PPIB: variants seen among roughly 807,000 people sequenced by gnomAD.
PPIB encodes peptidyl-prolyl cis-trans isomerase B.
A neutral mutation model predicts 20.1 loss-of-function variants in PPIB; 15 were observed. The ratio of observed to expected loss-of-function variants is 0.75; its 90% CI spans 0.50 to 1.15. The LOEUF (loss-of-function observed/expected upper bound fraction) is 1.15, where lower values mean the gene tolerates loss of function less well. PPIB is among the 50% of genes most tolerant of loss of function. The pLI is 0.00. For synonymous variants in PPIB, 129 were observed against 111.0 expected (o/e 1.16, Z -1.02); for missense variants, 278 against 283.0 (o/e 0.98, Z 0.13).
Position 64,160,237 on chromosome 15 carries a change from C to G in PPIB, c.250-40G>C, listed in dbSNP as rs1266187238. 2 of 1,504,160 alleles carry G rather than the reference C, an allele frequency of 1.3e-6. No individual in the cohort carries two copies. The highest frequency in any genetic ancestry group is 1.9e-6 in the Non-Finnish European group (2 of 1,080,136). The allele number at this position is 1,504,160 out of a possible 1,614,324, so 93.2% of individuals were successfully genotyped here. A position where few individuals can be genotyped will look rare whatever the true frequency, so the allele number is the denominator to read the frequency against. Reference sequence around the variant, plus strand: ...GAGAAGGTAAGGAGGTGGTATGGGGCAGCAGGAAGACATTACATTAAATAG... The same window carrying G: ...GAGAAGGTAAGGAGGTGGTATGGGGGAGCAGGAAGACATTACATTAAATAG... On this transcript the variant is annotated intron_variant, in intron 2 of 4. Coordinates refer to ENST00000300026, the MANE Select transcript of PPIB (RefSeq NM_000942.5). This position sits in a 1 kb window ranked among gnomAD's most constrained non-coding sequence, Gnocchi z 4.8.
chr15:64,155,890 A>G lies in PPIB; in HGVS notation c.*133T>C. Reference sequence around the variant, plus strand: ...AGGAGTTTGTTACAAAAGTGAGTCCATGGGCCTGTGGAATGTGAGGGGAGT... The same window carrying G: ...AGGAGTTTGTTACAAAAGTGAGTCCGTGGGCCTGTGGAATGTGAGGGGAGT... On this transcript the variant is annotated 3_prime_UTR_variant, in exon 5 of 5. Coordinates refer to ENST00000300026, the MANE Select transcript of PPIB (RefSeq NM_000942.5). The G allele has an allele frequency of 1.5e-6, 2 of 1,370,106 alleles. No individual in the cohort carries two copies. The highest frequency in any genetic ancestry group is 1.7e-5 in the Admixed American group (1 of 59,230). 84.9% of individuals were successfully genotyped at this position (1,370,106 alleles called of 1,614,324 possible).
chr15:64,162,887 C>T lies in PPIB; in HGVS notation c.100G>A (p.Asp34Asn). 1 of 1,612,658 alleles carries T rather than the reference C, an allele frequency of 6.2e-7. No individual in the cohort carries two copies. The highest frequency in any genetic ancestry group is 8.5e-7 in the Non-Finnish European group (1 of 1,179,572). The change falls in exon 1 of 5, where the codon GAT (aspartate) becomes AAT (asparagine). Residue 34 changes from aspartate to asparagine, a missense_variant. By Grantham distance (23) the Asp-to-Asn change is conservative. Coordinates refer to ENST00000300026, the MANE Select transcript of PPIB (RefSeq NM_000942.5). Reference protein sequence around the residue: ...FLLLPGPSAADEKKKGPKVTV... With the variant: ...FLLLPGPSAANEKKKGPKVTV... Reference sequence around the variant, plus strand: ...ACTTTGGGCCCCTTCTTCTTCTCATCGGCCGCAGAAGGTCCCGGCAGCAGC... The same window carrying T: ...ACTTTGGGCCCCTTCTTCTTCTCATTGGCCGCAGAAGGTCCCGGCAGCAGC...
At position 64,161,980 on chromosome 15, in the gene PPIB, T is replaced by G. The variant is rs1180798561; in HGVS notation, c.249+61A>C. On this transcript the variant is annotated intron_variant, in intron 2 of 4. Transcript: ENST00000300026. The surrounding 1 kb of genome is among the most constrained non-coding windows in gnomAD (Gnocchi z 4.2). Reference sequence around the variant, plus strand: ...GGCTGAACTCTGCAGGTCAGTTTGCTGCCATCCCCAGTGCCAATTTCACTT... The same window carrying G: ...GGCTGAACTCTGCAGGTCAGTTTGCGGCCATCCCCAGTGCCAATTTCACTT... 1 of 1,226,714 alleles carries G rather than the reference T, an allele frequency of 8.2e-7. No individual in the cohort carries two copies. Among genetic ancestry groups the G allele is most frequent in the Admixed American group, 1.7e-5 (1 of 59,440 alleles). The allele number at this position is 1,226,714 out of a possible 1,614,324, so 76.0% of individuals were successfully genotyped here.
In PPIB at chr15:64,160,004, A is replaced by T. The variant is rs1169253566; in HGVS notation, c.343+100T>A. The T allele has an allele frequency of 9.6e-7, 1 of 1,043,832 alleles. No individual in the cohort carries two copies. Among genetic ancestry groups the T allele is most frequent in the Non-Finnish European group, 1.5e-6 (1 of 665,634 alleles). 64.7% of individuals were successfully genotyped at this position (1,043,832 alleles called of 1,614,324 possible). A position where few individuals can be genotyped will look rare whatever the true frequency, so the allele number is the denominator to read the frequency against. ...AAGTAATAAGTAGGCCTGCCTCTAG[A>T]GCTGGGGAAGAAAGAGGCCTGGTCT... On this transcript the variant is annotated intron_variant, in intron 3 of 4. Transcript: ENST00000300026. This position sits in a 1 kb window ranked among gnomAD's most constrained non-coding sequence, Gnocchi z 4.8.
chr15:64,156,747 A>G lies in PPIB; in HGVS notation c.506T>C (p.Phe169Ser). Residue 169 changes from phenylalanine to serine, a missense_variant, in exon 4 of 5, where the codon TTT (phenylalanine) becomes TCT (serine). Coordinates refer to ENST00000300026, the MANE Select transcript of PPIB (RefSeq NM_000942.5). The surrounding 1 kb of genome is among the most constrained non-coding windows in gnomAD (Gnocchi z 6.4). ...TAWLDGKHVV[F>S]GKVLEGMEVV... ...CACCATGCCCTCTAGAACTTTGCCA[A>G]ACACCACATGCTTGCCATCTAGCCA... 2 of 1,614,144 alleles carry G rather than the reference A, an allele frequency of 1.2e-6. No individual in the cohort carries two copies. The highest frequency in any genetic ancestry group is 1.7e-6 in the Non-Finnish European group (2 of 1,180,026).
chr15:64,156,368 T>A lies in PPIB; in HGVS notation c.529-223A>T. 1 of 682,300 alleles carries A rather than the reference T, an allele frequency of 1.5e-6. No individual in the cohort carries two copies. 42.3% of individuals were successfully genotyped at this position (682,300 alleles called of 1,614,324 possible). On this transcript the variant is annotated intron_variant, in intron 4 of 4. Coordinates refer to ENST00000300026, the MANE Select transcript of PPIB (RefSeq NM_000942.5). The surrounding 1 kb of genome is among the most constrained non-coding windows in gnomAD (Gnocchi z 6.4). ...TTGTTCCTTTGAAGTAAGACCCAGG[T>A]TGGGCCAAGGGTGAGGAGGAGGAAG...
At position 64,161,978 on chromosome 15, in the gene PPIB, G is replaced by T; in HGVS notation, c.249+63C>A. On this transcript the variant is annotated intron_variant, in intron 2 of 4. Coordinates refer to ENST00000300026, the MANE Select transcript of PPIB (RefSeq NM_000942.5). This position sits in a 1 kb window ranked among gnomAD's most constrained non-coding sequence, Gnocchi z 4.2. ...TCGGCTGAACTCTGCAGGTCAGTTTGCTGCCATCCCCAGTGCCAATTTCAC... is the reference window on the plus strand; with the variant it reads ...TCGGCTGAACTCTGCAGGTCAGTTTTCTGCCATCCCCAGTGCCAATTTCAC... The T allele has an allele frequency of 8.4e-7, 1 of 1,189,406 alleles. No homozygotes were observed. The highest frequency in any genetic ancestry group is 1.3e-6 in the Non-Finnish European group (1 of 793,272). The allele number at this position is 1,189,406 out of a possible 1,614,324, so 73.7% of individuals were successfully genotyped here.
At position 64,159,921 on chromosome 15, in the gene PPIB, C is replaced by T. The variant is rs1322406255; in HGVS notation, c.343+183G>A. 1.5e-6 allele frequency: 1 copy of T among 666,592 alleles called. No individual in the cohort carries two copies. The highest frequency in any genetic ancestry group is 1.8e-5 in the African/African-American group (1 of 55,524). The allele number at this position is 666,592 out of a possible 1,614,324, so 41.3% of individuals were successfully genotyped here. On this transcript the variant is annotated intron_variant, in intron 3 of 4. Transcript: ENST00000300026. The surrounding 1 kb of genome is among the most constrained non-coding windows in gnomAD (Gnocchi z 5.1). The stretch of plus-strand genomic sequence containing the variant: ...ACCATCAGGTCCACCCCATTATTCT[C>T]TCTCCTTTGTACTGGGTTCCCTCTT...
chr15:64,155,971 C>T lies in PPIB; in HGVS notation c.*52G>A, dbSNP rs201075610. ...GCCAGTGCAGCTCAGAGCCCTGTGGCGGACTACAGGGCCTGCACAGACGGT... is the reference window on the plus strand; with the variant it reads ...GCCAGTGCAGCTCAGAGCCCTGTGGTGGACTACAGGGCCTGCACAGACGGT... On this transcript the variant is annotated 3_prime_UTR_variant, in exon 5 of 5. Transcript: ENST00000300026. 1.0e-4 allele frequency: 161 copies of T among 1,612,928 alleles called. No individual in the cohort carries two copies. In the Middle Eastern group the frequency reaches 1.3e-3, roughly 13 times the overall value.
chr15:64,161,226 T>A lies in PPIB; in HGVS notation c.249+815A>T, dbSNP rs779912469. Among the ~76,000 whole-genome samples the A allele has an allele frequency of 2.6e-5, 4 of 151,998 alleles. No homozygotes were observed. The highest frequency in any genetic ancestry group is 1.3e-4 in the Admixed American group (2 of 15,262). On this transcript the variant is annotated intron_variant, in intron 2 of 4. Transcript: ENST00000300026. This position sits in a 1 kb window ranked among gnomAD's most constrained non-coding sequence, Gnocchi z 4.2. ...ATCTACCCGCCTCAGCCTCCCAAAG[T>A]GCTGGGACTACAGGCATGAGTTACT...
At position 64,161,683 on chromosome 15, in the gene PPIB, C is replaced by T. The variant is rs1396116365; in HGVS notation, c.249+358G>A. On this transcript the variant is annotated intron_variant, in intron 2 of 4. Coordinates refer to ENST00000300026, the MANE Select transcript of PPIB (RefSeq NM_000942.5). The surrounding 1 kb of genome is among the most constrained non-coding windows in gnomAD (Gnocchi z 4.2). ...GAGGTTGCAGTGAGCTGAGGCCGCA[C>T]CACTGCACTCCAGCCCAGGCGACAA... Among the ~76,000 whole-genome samples the T allele has an allele frequency of 4.6e-5, 7 of 152,002 alleles. 1 individual carries two copies. In the East Asian group the frequency reaches 9.7e-4, roughly 21 times the overall value.
chr15:64,161,961 AC>A lies in PPIB; in HGVS notation c.249+79del. 1 of 1,001,336 alleles carries A rather than the reference AC, an allele frequency of 1.0e-6. No homozygotes were observed. Among genetic ancestry groups the A allele is most frequent in the Non-Finnish European group, 1.6e-6 (1 of 621,992 alleles). 62.0% of individuals were successfully genotyped at this position (1,001,336 alleles called of 1,614,324 possible). ...GAGGTCCACGCTACAGATCGGCTGA[AC>A]TCTGCAGGTCAGTTTGCTGCCATCC... On this transcript the variant is annotated intron_variant, in intron 2 of 4. Coordinates refer to ENST00000300026, the MANE Select transcript of PPIB (RefSeq NM_000942.5). The surrounding 1 kb of genome is among the most constrained non-coding windows in gnomAD (Gnocchi z 4.2).
Position 64,161,904 on chromosome 15 carries a change from G to A in PPIB, c.249+137C>T. 7.8e-6 allele frequency: 6 copies of A among 769,880 alleles called. No individual in the cohort carries two copies. The Admixed American group carries it at 8.5e-5, about 11-fold the overall frequency. 47.7% of individuals were successfully genotyped at this position (769,880 alleles called of 1,614,324 possible). A position where few individuals can be genotyped will look rare whatever the true frequency, so the allele number is the denominator to read the frequency against. On this transcript the variant is annotated intron_variant, in intron 2 of 4. Coordinates refer to ENST00000300026, the MANE Select transcript of PPIB (RefSeq NM_000942.5). This position sits in a 1 kb window ranked among gnomAD's most constrained non-coding sequence, Gnocchi z 4.2. ...TACTCTTAAGAAAGGGCAATACTGT[G>A]TTCCCAGGGCAACAGGCAGTCGGTG...
Position 64,156,451 on chromosome 15 carries a change from CCTCA to C in PPIB, c.528+270_528+273del, listed in dbSNP as rs2081532141. 4 of 617,220 alleles carry C rather than the reference CCTCA, an allele frequency of 6.5e-6. No homozygotes were observed. In the South Asian group the frequency reaches 7.6e-5, roughly 12 times the overall value. 38.2% of individuals were successfully genotyped at this position (617,220 alleles called of 1,614,324 possible). The stretch of plus-strand genomic sequence containing the variant: ...ATTGCGTTCAGCTGCACTCTGTATA[CCTCA>C]GGGGTGGGACCAGCACGTCACTGAG... On this transcript the variant is annotated intron_variant, in intron 4 of 4. Coordinates refer to ENST00000300026, the MANE Select transcript of PPIB (RefSeq NM_000942.5). The surrounding 1 kb of genome is among the most constrained non-coding windows in gnomAD (Gnocchi z 6.4).
Position 64,156,672 on chromosome 15 carries a change from G to A in PPIB, c.528+53C>T. ...ATGGAGCTCCTGCCCTGGGGTCTGT[G>A]TTGAATCCCCGGTGAGGATTGCCCA... is the stretch of plus-strand genomic sequence containing the variant. On this transcript the variant is annotated intron_variant, in intron 4 of 4. Coordinates refer to ENST00000300026, the MANE Select transcript of PPIB (RefSeq NM_000942.5). The surrounding 1 kb of genome is among the most constrained non-coding windows in gnomAD (Gnocchi z 6.4). The A allele has an allele frequency of 6.2e-7, 1 of 1,605,896 alleles. No individual in the cohort carries two copies. Among genetic ancestry groups the A allele is most frequent in the South Asian group, 1.1e-5 (1 of 90,874 alleles).
rs755547351 is a variant in PPIB at position 64,156,895 on chromosome 15, C to T, written c.358G>A (p.Gly120Ser). The T allele has an allele frequency of 1.4e-5, 22 of 1,614,084 alleles. No homozygotes were observed. Among genetic ancestry groups the T allele is most frequent in the Non-Finnish European group, 1.9e-5 (22 of 1,179,996 alleles). The change falls in exon 4 of 5, where the codon GGT (glycine) becomes AGT (serine). Residue 120 changes from glycine to serine, a missense_variant. Physicochemically the swap from Gly to Ser is moderately conservative, Grantham distance 56 (BLOSUM62 0). Transcript: ENST00000300026. The surrounding 1 kb of genome is among the most constrained non-coding windows in gnomAD (Gnocchi z 6.4). ...AAGTTCTCATCGGGGAAGCGCTCAC[C>T]GTAGATGCTCTTTCCTGGGAAAAAA... Reference protein sequence around the residue: ...GDGTGGKSIYGERFPDENFKL... With the variant: ...GDGTGGKSIYSERFPDENFKL...
In PPIB at chr15:64,161,720, C is replaced by T. The variant is rs1434816986; in HGVS notation, c.249+321G>A. Among the ~76,000 whole-genome samples the T allele has an allele frequency of 6.7e-6, 1 of 150,000 alleles. No homozygotes were observed. The highest frequency in any genetic ancestry group is 6.6e-5 in the Admixed American group (1 of 15,112). On this transcript the variant is annotated intron_variant, in intron 2 of 4. Transcript: ENST00000300026. This position sits in a 1 kb window ranked among gnomAD's most constrained non-coding sequence, Gnocchi z 4.2. The stretch of plus-strand genomic sequence containing the variant: ...AGCCCAGGCGACAAGAGTGAAACTC[C>T]GTCTCAAAAAAAAAAAAAAATTTGC...
Position 64,161,937 on chromosome 15 carries a change from A to C in PPIB, c.249+104T>G. The C allele has an allele frequency of 1.2e-6, 1 of 842,224 alleles. No homozygotes were observed. The highest frequency in any genetic ancestry group is 2.1e-6 in the Non-Finnish European group (1 of 479,528). The allele number at this position is 842,224 out of a possible 1,614,324, so 52.2% of individuals were successfully genotyped here. On this transcript the variant is annotated intron_variant, in intron 2 of 4. Transcript: ENST00000300026. The surrounding 1 kb of genome is among the most constrained non-coding windows in gnomAD (Gnocchi z 4.2). ...GGCAACAGGCAGTCGGTGCTCAGTG[A>C]GGTCCACGCTACAGATCGGCTGAAC...
Position 64,163,018 on chromosome 15 carries a change from C to G in PPIB, c.-32G>C. On this transcript the variant is annotated 5_prime_UTR_variant, in exon 1 of 5. Transcript: ENST00000300026. ...GCGGAGGCGAAAGCAGCCCGGACAGCTGAGGCCGGAAGAGGGTGGGGCCGC... is the reference window on the plus strand; with the variant it reads ...GCGGAGGCGAAAGCAGCCCGGACAGGTGAGGCCGGAAGAGGGTGGGGCCGC... 1 of 1,595,744 alleles carries G rather than the reference C, an allele frequency of 6.3e-7. No individual in the cohort carries two copies. Among genetic ancestry groups the G allele is most frequent in the Non-Finnish European group, 8.5e-7 (1 of 1,170,578 alleles).
Sources: gnomAD v4.1 joint callset for allele counts (sites outside exome capture counted in the v4.1 genomes callset) on GRCh38, gnomAD v4.1.1 for gene constraint, Gnocchi (gnomAD v3.1) non-coding constraint, MANE v1.5 for transcripts, NCBI Gene and HGNC (gene_info 2026-07-23, HGNC 2026-07-21) for gene names.